Variants in RHOBTB1 observed in about 807,000 individuals in gnomAD.
RHOBTB1 encodes the protein Rho related BTB domain containing 1.
Under a neutral mutation model 71.6 loss-of-function variants are expected in RHOBTB1, and 40 were observed. The ratio of observed to expected loss-of-function variants is 0.56; its 90% CI spans 0.43 to 0.73. The LOEUF (loss-of-function observed/expected upper bound fraction) is 0.73. Among genes scored for constraint, RHOBTB1 ranks in the 30% least tolerant of loss-of-function variants. The pLI, the probability that RHOBTB1 is intolerant of heterozygous loss-of-function variation, is 0.00. For synonymous variants in RHOBTB1, 319 were observed against 334.9 expected, an observed-to-expected ratio of 0.95 and a Z score of 0.52; for missense variants, 797 against 894.0, an observed-to-expected ratio of 0.89 and a Z score of 1.38.
intron 2 of RHOBTB1, among the ~76,000 whole-genome samples, chr10:60,972,866 T>C (rs925972052): frequency 6.6e-5 from 10 of 151,980 alleles, no homozygotes; most frequent in Non-Finnish European, 1.5e-4. Context: ...GCAACCCTGC[T>C]TGGAAGGTAG....
At chr10:60,956,264 G>A (rs909234213) in intron 2 of RHOBTB1, among the ~76,000 whole-genome samples, 4 of 152,020 alleles carry the variant, frequency 2.6e-5, no homozygotes, top group African/African-American at 9.7e-5. Context: ...ATGAATAAAA[G>A]ACTAAAAAAA....
At chr10:60,984,603 G>T (rs952040341) in intron 2 of RHOBTB1, among the ~76,000 whole-genome samples, 3 of 152,134 alleles carry the variant, frequency 2.0e-5, no homozygotes, top group African/African-American at 4.8e-5. Flanking sequence ...GTGTAAATAG[G>T]ATCCTGGTTC....
intron 1 of RHOBTB1, 81 bp from the exon 2 acceptor site, chr10:60,941,935 G>A (rs1259509405): frequency 6.6e-6 from 1 of 151,820 alleles, no homozygotes; most frequent in Non-Finnish European, 1.5e-5. Context: ...TTCAACATAC[G>A]TTGTTTTCTC....
intron 2 of RHOBTB1, among the ~76,000 whole-genome samples, chr10:60,935,735 A>C (rs1438475286): frequency 6.6e-6 from 1 of 152,202 alleles, no homozygotes; most frequent in Non-Finnish European, 1.5e-5. Context: ...TATACCAAAA[A>C]CAAAGATAAT....
upstream of RHOBTB1, among the ~76,000 whole-genome samples, chr10:61,001,716 C>T (rs1181581775): frequency 6.6e-6 from 1 of 152,166 alleles, no homozygotes; most frequent in Non-Finnish European, 1.5e-5. Flanking sequence ...CCTCCCCCCG[C>T]CCCCCAGGGC....
At chr10:60,949,770 A>G (rs2085351527) in intron 2 of RHOBTB1, among the ~76,000 whole-genome samples, 1 of 149,778 alleles carries the variant, frequency 6.7e-6, no homozygotes, top group African/African-American at 2.5e-5. Flanking sequence ...TCCTATGATT[A>G]CCCATTTAAA....
At chr10:60,904,586 C>G (rs1391784591) in intron 4 of RHOBTB1, among the ~76,000 whole-genome samples, 1 of 152,186 alleles carries the variant, frequency 6.6e-6, no homozygotes, top group Non-Finnish European at 1.5e-5. Context: ...GTCAAAAATT[C>G]TTCCCTTCTG....
At chr10:60,944,842 C>G (rs957420598), upstream of RHOBTB1, among the ~76,000 whole-genome samples, 5 of 152,176 alleles carry the variant, frequency 3.3e-5, no homozygotes, top group African/African-American at 7.2e-5. Context: ...CGCGACTTGG[C>G]GGGAGGGGTC....
At chr10:60,863,084 G>A in the RHOBTB1 span, among the ~76,000 whole-genome samples, 3 of 152,180 alleles carry the variant, frequency 2.0e-5, no homozygotes, top group African/African-American at 7.2e-5. Flanking sequence ...GTAGGGTGAT[G>A]ATGGGGGTGG....
At chr10:60,873,358 C>T (rs1042725514) in intron 9 of RHOBTB1, among the ~76,000 whole-genome samples, 9 of 152,190 alleles carry the variant, frequency 5.9e-5, no homozygotes, top group African/African-American at 1.9e-4. Context: ...GCAAACGCAA[C>T]AGATTGGGGT....
chr10:60,942,368 G>A (rs1443539147), intron 1 of RHOBTB1, among the ~76,000 whole-genome samples: 6 of 152,316 alleles, frequency 3.9e-5, no homozygotes, highest in East Asian at 3.9e-4. Context: ...TGATCACAGA[G>A]CCTGTGTTAT....
chr10:60,882,155 G>A (rs1425238050), intron 7 of RHOBTB1, among the ~76,000 whole-genome samples: 2 of 150,990 alleles, frequency 1.3e-5, no homozygotes, highest in Non-Finnish European at 2.9e-5. Flanking sequence ...ATAAATAATG[G>A]AATCAAAAAA....
intron 1 of RHOBTB1, among the ~76,000 whole-genome samples, chr10:60,996,495 C>A (rs186039756): frequency 6.6e-6 from 1 of 152,164 alleles, no homozygotes; most frequent in Non-Finnish European, 1.5e-5. Context: ...GAATTTGCCT[C>A]GCTGTCCACC....
intron 2 of RHOBTB1, among the ~76,000 whole-genome samples, chr10:60,932,579 C>T (rs1168931342): frequency 2.7e-5 from 4 of 150,458 alleles, no homozygotes; most frequent in East Asian, 3.9e-4. Context: ...GCCCTATCGT[C>T]CTCATGGGGG....
At position 60,910,971 on chromosome 10, in the gene RHOBTB1, T is replaced by A. The variant is rs1388550672; in HGVS notation, c.212A>T (p.Asp71Val). Reference protein sequence around the residue: ...VCQEVLERSRDVVDEVSVSLR... With the variant: ...VCQEVLERSRVVVDEVSVSLR... ...AGAAACACTCACTTCATCAACAACATCCCGAGAACGCTCCAAGACCTGCAG... is the reference window on the plus strand; with the variant it reads ...AGAAACACTCACTTCATCAACAACAACCCGAGAACGCTCCAAGACCTGCAG... Residue 71 changes from aspartate (D) to valine (V), a missense_variant, in exon 4 of 11, where the codon GAT (aspartate) becomes GTT (valine). Asp to Val is a radical substitution (Grantham distance 152, BLOSUM62 -3). Around this residue, in one of 2 missense-constraint regions of RHOBTB1, gnomAD observed 139 missense variants for 212.5 expected, o/e 0.65. Transcript: ENST00000337910. The A allele has an allele frequency of 6.2e-7, 1 of 1,613,720 alleles. No individual in the cohort carries two copies. The highest frequency in any genetic ancestry group is 1.3e-5 in the African/African-American group (1 of 74,848).
intron 2 of RHOBTB1, among the ~76,000 whole-genome samples, chr10:60,980,110 T>A (rs2086443650): frequency 6.6e-6 from 1 of 152,150 alleles, no homozygotes; most frequent in Admixed American, 6.5e-5. Context: ...GAAAAAAGAC[T>A]ATAGGAGGCA....
intron 4 of RHOBTB1, among the ~76,000 whole-genome samples, chr10:60,899,074 T>C (rs1256588149): frequency 6.6e-6 from 1 of 152,238 alleles, no homozygotes; most frequent in Non-Finnish European, 1.5e-5. Flanking sequence ...TATCATCCAA[T>C]GAAATCAGGC....
intron 2 of RHOBTB1, among the ~76,000 whole-genome samples, chr10:60,966,251 T>C (rs2085953161): frequency 6.6e-6 from 1 of 151,978 alleles, no homozygotes; most frequent in Non-Finnish European, 1.5e-5. Context: ...TCTATATTTT[T>C]AGCTGTCTAC....
intron 2 of RHOBTB1, among the ~76,000 whole-genome samples, chr10:60,937,725 T>C (rs1589368995): frequency 2.6e-5 from 4 of 152,200 alleles, no homozygotes; most frequent in Admixed American, 2.6e-4. Flanking sequence ...ACTCGGCCTG[T>C]TGTGTTCAAG....
Sources: allele counts gnomAD v4.1 joint callset (sites outside exome capture counted in the v4.1 genomes callset), GRCh38; gene constraint gnomAD v4.1.1; regional missense constraint gnomAD v4.1.1; transcripts MANE v1.5; gene names NCBI Gene and HGNC (gene_info 2026-07-23, HGNC 2026-07-21).